RBFOX1: variants seen among roughly 807,000 people sequenced by gnomAD.
The protein encoded by RBFOX1 is RNA binding fox-1 homolog 1.
A neutral mutation model predicts 57.7 loss-of-function variants in RBFOX1; 8 were observed. The observed-to-expected ratio is 0.14, with a 90% CI of 0.08 to 0.25. The LOEUF (loss-of-function observed/expected upper bound fraction) is 0.25, where lower values mean the gene tolerates loss of function less well. Among genes scored for constraint, RBFOX1 ranks in the 10% least tolerant of loss-of-function variants. The pLI is 1.00. For missense variants in RBFOX1, 611 were observed against 548.5 expected (o/e 1.11, Z -1.14); for synonymous variants, 326 against 222.4 (o/e 1.47, Z -4.15).
intron 4 of RBFOX1, among the ~76,000 whole-genome samples, chr16:7,175,430 G>T (rs886318247): frequency 2.0e-5 from 3 of 152,150 alleles, no homozygotes; most frequent in Non-Finnish European, 4.4e-5. Context: ...GCCTGAAGTG[G>T]GAGAAAGAGC....
chr16:7,575,821 C>G (rs1271867976), intron 5 of RBFOX1, among the ~76,000 whole-genome samples: 1 of 152,176 alleles, frequency 6.6e-6, no homozygotes, highest in Admixed American at 6.5e-5. Flanking sequence ...CAGTGGAGGG[C>G]TTTGTGATGA....
At chr16:7,239,327 C>T (rs577636519) in intron 4 of RBFOX1, among the ~76,000 whole-genome samples, 2 of 151,982 alleles carry the variant, frequency 1.3e-5, no homozygotes, top group Non-Finnish European at 2.9e-5. Flanking sequence ...GGTGAAATCC[C>T]ATGTCTACTA....
chr16:6,801,102 A>G (rs1209562132), intron 3 of RBFOX1, among the ~76,000 whole-genome samples: 1 of 151,610 alleles, frequency 6.6e-6, no homozygotes, highest in African/African-American at 2.4e-5. Context: ...CATTCAGTAG[A>G]TCTGGGGATT....
intron 4 of RBFOX1, among the ~76,000 whole-genome samples, chr16:7,320,727 T>G (rs1400760729): frequency 3.3e-5 from 5 of 152,242 alleles, no homozygotes; most frequent in Non-Finnish European, 7.3e-5. Context: ...CAGATGTGAT[T>G]GTAAGAAACA....
chr16:5,408,476 G>C (rs1301824488), intron 1 of RBFOX1, among the ~76,000 whole-genome samples: 1 of 152,162 alleles, frequency 6.6e-6, no homozygotes, highest in Non-Finnish European at 1.5e-5. Context: ...TGCTGGGAGT[G>C]GGTTCTCACA....
intron 4 of RBFOX1, among the ~76,000 whole-genome samples, chr16:5,872,605 G>C (rs576752605): frequency 2.0e-5 from 3 of 152,094 alleles, no homozygotes; most frequent in South Asian, 2.1e-4. Context: ...GTGTGGTGCT[G>C]TGTGTTTGTA....
intron 2 of RBFOX1, among the ~76,000 whole-genome samples, chr16:6,543,905 G>A (rs2096858721): frequency 6.6e-6 from 1 of 152,088 alleles, no homozygotes; most frequent in Admixed American, 6.5e-5. Flanking sequence ...GAGATAGAAA[G>A]GCCATCTTGG....
chr16:6,385,164 A>C lies in RBFOX1; in HGVS notation c.-64+68107A>C, dbSNP rs532692778. 9.3e-4 allele frequency among the ~76,000 whole-genome samples: 142 copies of C among 152,304 alleles called. 1 individual carries two copies. The highest frequency in any genetic ancestry group is 3.3e-3 in the African/African-American group (139 of 41,572). On this transcript the variant is annotated intron_variant, in intron 2 of 15. Coordinates refer to ENST00000550418, the MANE Select transcript of RBFOX1 (RefSeq NM_018723.4). ...GGTGTCATCATGGGAAGATGCTCTC[A>C]GTGTGGACAAGATAAAGCTGTTAAA...
chr16:5,573,560 C>T (rs1426901398), intron 2 of RBFOX1, among the ~76,000 whole-genome samples: 1 of 152,186 alleles, frequency 6.6e-6, no homozygotes, highest in Non-Finnish European at 1.5e-5. Context: ...AGAAATCAAC[C>T]TGAGCTTCCT....
At chr16:5,266,582 C>T (rs1400734107) in intron 1 of RBFOX1, among the ~76,000 whole-genome samples, 2 of 125,316 alleles carry the variant, frequency 1.6e-5, no homozygotes, top group East Asian at 2.3e-4. Context: ...GGATCTTTCT[C>T]TGTCACCCAG....
At chr16:7,375,456 A>G (rs990944435) in intron 4 of RBFOX1, among the ~76,000 whole-genome samples, 1 of 152,164 alleles carries the variant, frequency 6.6e-6, no homozygotes. Flanking sequence ...AATCCAGGAA[A>G]GAGAGACCTG....
chr16:6,491,792 C>T (rs1175286162), intron 2 of RBFOX1, among the ~76,000 whole-genome samples: 1 of 152,168 alleles, frequency 6.6e-6, no homozygotes, highest in Non-Finnish European at 1.5e-5. Flanking sequence ...AAATTTGAAG[C>T]TTTGAGGCTT....
chr16:5,613,065 C>T (rs1324674536), intron 3 of RBFOX1, among the ~76,000 whole-genome samples: 2 of 152,160 alleles, frequency 1.3e-5, no homozygotes, highest in Non-Finnish European at 2.9e-5. Flanking sequence ...GGGGAGGGCC[C>T]TGATGGGTTT....
intron 4 of RBFOX1, among the ~76,000 whole-genome samples, chr16:7,292,919 CT>C (rs1371795095): frequency 6.6e-6 from 1 of 152,000 alleles, no homozygotes; most frequent in Admixed American, 6.6e-5. Flanking sequence ...TGTTGCCGAG[CT>C]TTTAAGGAGC....
intron 2 of RBFOX1, among the ~76,000 whole-genome samples, chr16:6,610,561 C>T (rs1335496045): frequency 6.6e-6 from 1 of 152,150 alleles, no homozygotes; most frequent in Admixed American, 6.6e-5. Context: ...AAATCCTGGT[C>T]TCACAGGATC....
At chr16:5,903,055 C>G (rs757101276) in intron 4 of RBFOX1, among the ~76,000 whole-genome samples, 75 of 152,088 alleles carry the variant, frequency 4.9e-4, no homozygotes, top group Non-Finnish European at 9.6e-4. Context: ...TTTTCTTGGA[C>G]TTGCCTGAGC....
intron 4 of RBFOX1, among the ~76,000 whole-genome samples, chr16:7,209,906 G>A (rs950623849): frequency 4.6e-5 from 7 of 152,172 alleles, no homozygotes; most frequent in African/African-American, 1.7e-4. Context: ...TAGTGCAGGG[G>A]TTCCATGATG....
At chr16:7,311,052 G>A (rs893119073) in intron 4 of RBFOX1, among the ~76,000 whole-genome samples, 1 of 152,186 alleles carries the variant, frequency 6.6e-6, no homozygotes, top group Admixed American at 6.5e-5. Flanking sequence ...AAGGGGCAAG[G>A]CTAGAGTTAA....
intron 3 of RBFOX1, among the ~76,000 whole-genome samples, chr16:5,819,148 C>G (rs755573164): frequency 6.6e-6 from 1 of 152,128 alleles, no homozygotes; most frequent in East Asian, 1.9e-4. Flanking sequence ...GTATAGGTCA[C>G]GGTTCTGGAG....
Sources: gnomAD v4.1 joint callset for allele counts (sites outside exome capture counted in the v4.1 genomes callset) on GRCh38, gnomAD v4.1.1 for gene constraint, MANE v1.5 for transcripts, NCBI Gene and HGNC (gene_info 2026-07-23, HGNC 2026-07-21) for gene names.